Variants in RERE observed in about 807,000 individuals in gnomAD.
RERE encodes the protein arginine-glutamic acid dipeptide repeats protein.
RERE carries 40 observed loss-of-function variants against 146.1 expected under a neutral mutation model. The ratio of observed to expected loss-of-function variants is 0.27; its 90% CI spans 0.21 to 0.36. The LOEUF (loss-of-function observed/expected upper bound fraction) is 0.36. Ranked by LOEUF, RERE falls within the 10% of genes least tolerant of loss-of-function variation. The pLI is 1.00. For synonymous variants in RERE, 1,003 were observed against 866.0 expected (o/e 1.16, Z -2.78); for missense variants, 1,933 against 2,138.7 (o/e 0.90, Z 1.90).
At chr1:8,470,725 G>A (rs1045920832) in intron 10 of RERE, among the ~76,000 whole-genome samples, 5 of 151,562 alleles carry the variant, frequency 3.3e-5, no homozygotes, top group African/African-American at 1.2e-4. Context: ...TTTCTAAAGG[G>A]GCACTATCTT....
intron 4 of RERE, among the ~76,000 whole-genome samples, chr1:8,601,420 T>C (rs1646623755): frequency 6.6e-6 from 1 of 152,034 alleles, no homozygotes; most frequent in Non-Finnish European, 1.5e-5. Flanking sequence ...ACTGTTGCTG[T>C]GAATAATTAG....
At chr1:8,526,015 C>G in intron 7 of RERE, 1 of 1,276,558 alleles carries the variant, frequency 7.8e-7, no homozygotes, top group East Asian at 3.2e-5. Flanking sequence ...CATCCACACA[C>G]TGTCTCTCCA....
At chr1:8,443,768 C>A (rs1644283171) in intron 11 of RERE, among the ~76,000 whole-genome samples, 1 of 152,212 alleles carries the variant, frequency 6.6e-6, no homozygotes, top group African/African-American at 2.4e-5. Context: ...CAAAGGGCCT[C>A]TGATACAGCT....
At chr1:8,485,509 T>C (rs1388153025) in intron 10 of RERE, among the ~76,000 whole-genome samples, 2 of 151,770 alleles carry the variant, frequency 1.3e-5, no homozygotes, top group Admixed American at 1.3e-4. Context: ...AGATGTTACC[T>C]TAAATACAAA....
intron 1 of RERE, among the ~76,000 whole-genome samples, chr1:8,691,026 T>C (rs1639195630): frequency 1.3e-5 from 2 of 152,064 alleles, no homozygotes. Flanking sequence ...GCCTCCTGAG[T>C]AGCTGGGACT....
chr1:8,434,584 TCTCTC>T (rs1331110978), intron 11 of RERE: 1 of 152,174 alleles, frequency 6.6e-6, no homozygotes, highest in African/African-American at 2.4e-5. Flanking sequence ...GTCTCTCTGT[TCTCTC>T]CTCCTGAGCC....
chr1:8,355,867 C>T (rs965664763), intron 21 of RERE, among the ~76,000 whole-genome samples: 2 of 152,082 alleles, frequency 1.3e-5, no homozygotes, highest in Non-Finnish European at 2.9e-5. Context: ...GCCGTGAGTC[C>T]CCTCTGCTAC....
chr1:8,418,635 G>A (rs1643842200), intron 12 of RERE, among the ~76,000 whole-genome samples: 1 of 152,188 alleles, frequency 6.6e-6, no homozygotes, highest in African/African-American at 2.4e-5. Flanking sequence ...TCAAATAACT[G>A]ATATGTCCTC....
rs938386075 is a variant in RERE at position 8,356,934 on chromosome 1, G to C, written c.4340-688C>G. 6.6e-6 allele frequency among the ~76,000 whole-genome samples: 1 copy of C among 152,160 alleles called. No individual in the cohort carries two copies. Among genetic ancestry groups the C allele is most frequent in the Non-Finnish European group, 1.5e-5 (1 of 68,020 alleles). On this transcript the variant is annotated intron_variant, in intron 20 of 22. Transcript: ENST00000400908. The surrounding 1 kb of genome is among the most constrained non-coding windows in gnomAD (Gnocchi z 5.2). Reference sequence around the variant, plus strand: ...GATTGGGAGCCCCCGCTCTGCCTCTGTGGCTGCTCTTGCCCCGATTTCCCA... The same window carrying C: ...GATTGGGAGCCCCCGCTCTGCCTCTCTGGCTGCTCTTGCCCCGATTTCCCA...
At position 8,358,757 on chromosome 1, in the gene RERE, C is replaced by T. The variant is rs376576951; in HGVS notation, c.3778G>A (p.Ala1260Thr). ...GTGGGCGACATGACGTGGGGCCGGG[C>T]GTACTCGCTCAGAGTCCGAAGGGCA... The part of the protein sequence containing the change: ...TPALRTLSEY[A>T]RPHVMSPTNR... The change falls in exon 20 of 23, where the codon GCC becomes ACC. Residue 1260 changes from alanine to threonine, a missense_variant. By Grantham distance (58) the Ala-to-Thr change is moderately conservative (BLOSUM62 0). This residue lies in a region of RERE where 1,255 missense variants were observed against 1,153.8 expected (regional missense o/e 1.09). Transcript: ENST00000400908. 5 of 1,611,236 alleles carry T rather than the reference C, an allele frequency of 3.1e-6. No individual in the cohort carries two copies. Among genetic ancestry groups the T allele is most frequent in the Admixed American group, 1.7e-5 (1 of 59,746 alleles).
intron 12 of RERE, among the ~76,000 whole-genome samples, chr1:8,398,749 T>C (rs1643144158): frequency 6.6e-6 from 1 of 152,132 alleles, no homozygotes; most frequent in Non-Finnish European, 1.5e-5. Flanking sequence ...GGGTATGCAA[T>C]CCACTACACC....
At chr1:8,514,763 G>T (rs922844177) in intron 7 of RERE, among the ~76,000 whole-genome samples, 16 of 151,634 alleles carry the variant, frequency 1.1e-4, no homozygotes, top group Admixed American at 1.1e-3. Context: ...AGAAAGAAAA[G>T]ACAAGACAAG....
At position 8,358,114 on chromosome 1, in the gene RERE, G is replaced by A. The variant is rs557580911; in HGVS notation, c.4339+82C>T. On this transcript the variant is annotated intron_variant, in intron 20 of 22. Coordinates refer to ENST00000400908, the MANE Select transcript of RERE (RefSeq NM_001042681.2). ...ATCTGTTCAGAAAAGAACAGTTTCCGCTCCTGGATGGTGACTGTCACTCAT... is the reference window on the plus strand; with the variant it reads ...ATCTGTTCAGAAAAGAACAGTTTCCACTCCTGGATGGTGACTGTCACTCAT... The A allele has an allele frequency of 5.9e-6, 9 of 1,515,258 alleles. No homozygotes were observed. The Admixed American group carries it at 8.2e-5, about 14-fold the overall frequency. 93.9% of individuals were successfully genotyped at this position (1,515,258 alleles called of 1,614,324 possible). A position where few individuals can be genotyped will look rare whatever the true frequency, so the allele number is the denominator to read the frequency against.
intron 1 of RERE, among the ~76,000 whole-genome samples, chr1:8,746,103 G>A (rs1269374280): frequency 6.6e-6 from 1 of 152,146 alleles, no homozygotes; most frequent in African/African-American, 2.4e-5. Context: ...CTTTTGAAAG[G>A]CCCAGTTTAA....
intron 12 of RERE, among the ~76,000 whole-genome samples, chr1:8,377,678 T>C (rs1642304025): frequency 6.6e-6 from 1 of 152,234 alleles, no homozygotes; most frequent in South Asian, 2.1e-4. Flanking sequence ...TTTCATTATA[T>C]GTGCAATCTT....
At chr1:8,413,924 G>A (rs913120733) in intron 12 of RERE, among the ~76,000 whole-genome samples, 4 of 151,888 alleles carry the variant, frequency 2.6e-5, no homozygotes, top group Admixed American at 6.6e-5. Flanking sequence ...GCATGGTGGC[G>A]CATGCCTATA....
At chr1:8,549,068 T>C (rs1368365701) in intron 6 of RERE, among the ~76,000 whole-genome samples, 1 of 152,206 alleles carries the variant, frequency 6.6e-6, no homozygotes, top group Non-Finnish European at 1.5e-5. Flanking sequence ...GGGAAGTTAA[T>C]AGGCACAGGC....
intron 8 of RERE, among the ~76,000 whole-genome samples, chr1:8,503,088 AAATAAATAAATAAAT>A (rs1557662541): frequency 3.4e-5 from 2 of 59,180 alleles, no homozygotes; most frequent in African/African-American, 1.2e-4. Context: ...GATCAATTAA[AAATAAATAAATAAAT>A]AAATAAATAA....
intron 1 of RERE, among the ~76,000 whole-genome samples, chr1:8,707,945 T>C (rs1176767713): frequency 6.6e-6 from 1 of 151,336 alleles, no homozygotes; most frequent in East Asian, 1.9e-4. Flanking sequence ...TTCATTACAA[T>C]GTATTGTTAT....
Sources: allele counts gnomAD v4.1 joint callset (sites outside exome capture counted in the v4.1 genomes callset), GRCh38; gene constraint gnomAD v4.1.1; regional missense constraint gnomAD v4.1.1; non-coding constraint Gnocchi (gnomAD v3.1); transcripts MANE v1.5; gene names NCBI Gene and HGNC (gene_info 2026-07-23, HGNC 2026-07-21).